ZNF808: variants seen among roughly 807,000 people sequenced by gnomAD.
ZNF808 encodes zinc finger protein 808.
In ZNF808, 5 loss-of-function variants were observed where a neutral mutation model predicts 8.7. The observed-to-expected ratio is 0.58, with a 90% CI of 0.30 to 1.21. The LOEUF is 1.21. Ranked by LOEUF, ZNF808 falls within the 50% of genes most tolerant of loss-of-function variation. ZNF808 has a pLI of 0.07. For missense variants in ZNF808, 1,103 were observed against 1,098.4 expected, an observed-to-expected ratio of 1.00 and a Z score of -0.06; for synonymous variants, 380 against 366.0, an observed-to-expected ratio of 1.04 and a Z score of -0.44.
chr19:52,557,687 G>A (rs528166573), downstream of ZNF808, among the ~76,000 whole-genome samples: 72 of 152,186 alleles, frequency 4.7e-4, 1 homozygote, highest in South Asian at 2.1e-4. Flanking sequence ...AAATGTTACT[G>A]TGATTTTCTT....
intron 2 of ZNF808, among the ~76,000 whole-genome samples, chr19:52,535,635 C>T (rs2059601474): frequency 6.6e-6 from 1 of 152,218 alleles, no homozygotes. Flanking sequence ...GTGGACCCTC[C>T]CTCCTGAATG....
At chr19:52,529,893 A>G (rs1198447774) in intron 1 of ZNF808, among the ~76,000 whole-genome samples, 1 of 104,550 alleles carries the variant, frequency 9.6e-6, no homozygotes, top group Non-Finnish European at 2.1e-5. Flanking sequence ...GCTAGTTTAC[A>G]TATATATATA....
chr19:52,543,140 A>G (rs1158877840), intron 2 of ZNF808, 126 bp from the exon 3 acceptor site: 14 of 917,732 alleles, frequency 1.5e-5, no homozygotes, highest in Non-Finnish European at 2.3e-5. Flanking sequence ...CCTCTGCATG[A>G]TCTCTGGTGC....
Position 52,553,142 on chromosome 19 carries a change from T to C in ZNF808, c.226T>C (p.Ser76Pro). ...SSKHMMKEVL[S>P]TGQGNREVIH... Reference sequence around the variant, plus strand: ...CAAACACATGATGAAGGAGGTCTTGTCAACAGGGCAAGGCAATAGAGAAGT... The same window carrying C: ...CAAACACATGATGAAGGAGGTCTTGCCAACAGGGCAAGGCAATAGAGAAGT... Residue 76 changes from serine (S) to proline (P), a missense_variant, in exon 5 of 5, where the codon TCA becomes CCA. Transcript: ENST00000359798. 6.3e-7 allele frequency: 1 copy of C among 1,576,244 alleles called. No individual in the cohort carries two copies.
At position 52,553,155 on chromosome 19, in the gene ZNF808, G is replaced by C. The variant is rs1211598145; in HGVS notation, c.239G>C (p.Gly80Ala). ...AAGGAGGTCTTGTCAACAGGGCAAGGCAATAGAGAAGTGATCCACACAGGG... is the reference window on the plus strand; with the variant it reads ...AAGGAGGTCTTGTCAACAGGGCAAGCCAATAGAGAAGTGATCCACACAGGG... Reference protein sequence around the residue: ...MMKEVLSTGQGNREVIHTGTL... With the variant: ...MMKEVLSTGQANREVIHTGTL... Residue 80 changes from glycine (G) to alanine (A), a missense_variant, in exon 5 of 5, where the codon GGC becomes GCC. By Grantham distance (60) the Gly-to-Ala change is moderately conservative. Transcript: ENST00000359798. 2 of 1,598,210 alleles carry C rather than the reference G, an allele frequency of 1.3e-6. No individual in the cohort carries two copies. Among genetic ancestry groups the C allele is most frequent in the Non-Finnish European group, 1.7e-6 (2 of 1,173,866 alleles).
At chr19:52,535,939 C>G (rs577045329) in intron 2 of ZNF808, 1 of 151,218 alleles carries the variant, frequency 6.6e-6, no homozygotes, top group South Asian at 2.0e-4. Context: ...GCCTCTACCC[C>G]GCCCAGGCCC....
At chr19:52,563,061 A>G (rs940261685) in intron 3 of ZNF808, among the ~76,000 whole-genome samples, 2 of 152,048 alleles carry the variant, frequency 1.3e-5, no homozygotes, top group African/African-American at 4.8e-5. Context: ...GGCCTGAACC[A>G]CCGCATCCTG....
rs777297595 is a variant in ZNF808 at position 52,543,249 on chromosome 19, T to C, written c.-19-17T>C. The C allele has an allele frequency of 5.6e-6, 9 of 1,594,544 alleles. No homozygotes were observed. The highest frequency in any genetic ancestry group is 4.0e-5 in the African/African-American group (3 of 74,176). On this transcript the variant is annotated splice_polypyrimidine_tract_variant and intron_variant, in intron 2 of 4. Coordinates refer to ENST00000359798, the MANE Select transcript of ZNF808 (RefSeq NM_001039886.4). ...GAGTCATTTCTAACATGAAGTCTTATTTTTTTTCACATACAGGATTGATTT... is the reference window on the plus strand; with the variant it reads ...GAGTCATTTCTAACATGAAGTCTTACTTTTTTTCACATACAGGATTGATTT...
intron 1 of ZNF808, among the ~76,000 whole-genome samples, chr19:52,528,531 G>A (rs1266505888): frequency 6.6e-6 from 1 of 152,184 alleles, no homozygotes; most frequent in East Asian, 1.9e-4. Context: ...AAAAGCAGGT[G>A]GAGAAAAGCA....
At chr19:52,539,840 G>A (rs1324085225) in intron 2 of ZNF808, among the ~76,000 whole-genome samples, 2 of 151,276 alleles carry the variant, frequency 1.3e-5, no homozygotes, top group Non-Finnish European at 2.9e-5. Context: ...GGTATGAGCC[G>A]CTGCGCCCGG....
chr19:52,562,365 A>G (rs936585981), intron 3 of ZNF808, among the ~76,000 whole-genome samples: 2 of 152,080 alleles, frequency 1.3e-5, no homozygotes, highest in Non-Finnish European at 2.9e-5. Flanking sequence ...GCAACAAGAG[A>G]AAAACTCCAT....
chr19:52,543,553 A>T (rs1250216476), intron 3 of ZNF808, among the ~76,000 whole-genome samples: 1 of 152,140 alleles, frequency 6.6e-6, no homozygotes, highest in Non-Finnish European at 1.5e-5. Flanking sequence ...ACCCAGTGAC[A>T]TGAACTTGGG....
At chr19:52,540,108 G>A (rs1426152073) in intron 2 of ZNF808, among the ~76,000 whole-genome samples, 1 of 151,046 alleles carries the variant, frequency 6.6e-6, no homozygotes, top group Non-Finnish European at 1.5e-5. Flanking sequence ...GCCTCCTGGG[G>A]TCAAGCGATT....
At chr19:52,543,204 T>G in intron 2 of ZNF808, 62 bp from the exon 3 acceptor site, 1 of 1,551,090 alleles carries the variant, frequency 6.4e-7, no homozygotes, top group Non-Finnish European at 8.8e-7. Flanking sequence ...GTTCATGTGG[T>G]TTTGTCACAG....
intron 4 of ZNF808, among the ~76,000 whole-genome samples, chr19:52,550,126 C>T (rs1285816730): frequency 6.6e-6 from 1 of 152,170 alleles, no homozygotes; most frequent in African/African-American, 2.4e-5. Flanking sequence ...AGGATTAAGT[C>T]TTGTCCCTCA....
At chr19:52,544,266 C>G (rs544483566) in intron 3 of ZNF808, among the ~76,000 whole-genome samples, 1 of 152,168 alleles carries the variant, frequency 6.6e-6, no homozygotes, top group Non-Finnish European at 1.5e-5. Flanking sequence ...CTCAACTAAT[C>G]GCTACTGTAG....
rs1298529568 is a variant in ZNF808, at chr19:52,539,136, G to T, written c.-19-4130G>T. On this transcript the variant is annotated intron_variant, in intron 2 of 4. Coordinates refer to ENST00000359798, the MANE Select transcript of ZNF808 (RefSeq NM_001039886.4). Reference sequence around the variant, plus strand: ...TGAAAGGAGTATTAAAAGTGCTTTTGTTCTCTTTTTGTAATTGGTTTCCTT... The same window carrying T: ...TGAAAGGAGTATTAAAAGTGCTTTTTTTCTCTTTTTGTAATTGGTTTCCTT... Among the ~76,000 whole-genome samples the T allele has an allele frequency of 8.1e-5, 12 of 147,576 alleles. 1 individual carries two copies. Among genetic ancestry groups the T allele is most frequent in the Middle Eastern group, 6.9e-3 (2 of 288 alleles).
chr19:52,558,125 G>A (rs1028694801), downstream of ZNF808, among the ~76,000 whole-genome samples: 2 of 121,480 alleles, frequency 1.6e-5, no homozygotes, highest in Admixed American at 2.0e-4. Context: ...TCGCTCTGTT[G>A]CCCAGGCTGG....
At chr19:52,559,668 G>A (rs2059850234), downstream of ZNF808, among the ~76,000 whole-genome samples, 1 of 152,182 alleles carries the variant, frequency 6.6e-6, no homozygotes, top group African/African-American at 2.4e-5. Context: ...TTCAGGAATG[G>A]AATGGAAAGT....
Sources: gnomAD v4.1 joint callset for allele counts (sites outside exome capture counted in the v4.1 genomes callset) on GRCh38, gnomAD v4.1.1 for gene constraint, MANE v1.5 for transcripts, NCBI Gene and HGNC (gene_info 2026-07-23, HGNC 2026-07-21) for gene names.